Variants in CYFIP2 observed in about 807,000 individuals in gnomAD.
CYFIP2 encodes the protein cytoplasmic FMR1-interacting protein 2.
A neutral mutation model predicts 158.7 loss-of-function variants in CYFIP2; 29 were observed. The observed-to-expected ratio is 0.18, with a 90% confidence interval of 0.14 to 0.25. CYFIP2 has a LOEUF of 0.25. CYFIP2 is among the 10% of genes least tolerant of loss of function. CYFIP2 has a pLI of 1.00. For synonymous variants in CYFIP2, 585 were observed against 617.6 expected (o/e 0.95, Z 0.78); for missense variants, 852 against 1,639.5 (o/e 0.52, Z 8.29).
At chr5:157,380,531 A>G (rs558913257) in intron 26 of CYFIP2, among the ~76,000 whole-genome samples, 2 of 152,346 alleles carry the variant, frequency 1.3e-5, no homozygotes, top group East Asian at 1.9e-4. Flanking sequence ...TTTGTCTCCA[A>G]AAAATACAAA....
At chr5:157,355,096 C>T (rs914306917) in intron 23 of CYFIP2, among the ~76,000 whole-genome samples, 1 of 152,206 alleles carries the variant, frequency 6.6e-6, no homozygotes, top group Non-Finnish European at 1.5e-5. Context: ...AGGAACTCCA[C>T]CCAGTACAAT....
chr5:157,286,863 G>A (rs1757437200), intron 2 of CYFIP2, among the ~76,000 whole-genome samples, 156 bp from the exon 3 acceptor site: 1 of 152,172 alleles, frequency 6.6e-6, no homozygotes, highest in African/African-American at 2.4e-5. Flanking sequence ...TTGAGAGTGG[G>A]ACTTTGTGGG....
At chr5:157,339,314 C>T in intron 22 of CYFIP2, 58 bp downstream of exon 22, 1 of 1,483,084 alleles carries the variant, frequency 6.7e-7, no homozygotes, top group Non-Finnish European at 9.3e-7. Flanking sequence ...GGCCAGCTGC[C>T]TCCTCCAAAC....
At chr5:157,351,205 G>A (rs1285644144) in intron 23 of CYFIP2, among the ~76,000 whole-genome samples, 4 of 152,078 alleles carry the variant, frequency 2.6e-5, no homozygotes, top group Admixed American at 6.5e-5. Context: ...TGTAACAGAT[G>A]AACCCATGTC....
chr5:157,292,291 C>T (rs1224091711), intron 3 of CYFIP2, among the ~76,000 whole-genome samples: 1 of 151,740 alleles, frequency 6.6e-6, no homozygotes, highest in Non-Finnish European at 1.5e-5. Flanking sequence ...ACAATCTTGG[C>T]TCACCGCAAC....
chr5:157,384,869 G>A (rs577912215), intron 28 of CYFIP2: 3 of 240,394 alleles, frequency 1.2e-5, no homozygotes, highest in Admixed American at 9.5e-5. Flanking sequence ...GAACCCAAGA[G>A]GTGGAGGCTG....
intron 5 of CYFIP2, among the ~76,000 whole-genome samples, chr5:157,299,505 C>T (rs2113883406): frequency 6.6e-6 from 1 of 152,336 alleles, no homozygotes; most frequent in African/African-American, 2.4e-5. Flanking sequence ...AGGACAACCC[C>T]TCTGAGCGCT....
rs1477195409 is a variant in CYFIP2, at chr5:157,311,802, G to C, written c.1110+21G>C. On this transcript the variant is annotated intron_variant, in intron 11 of 30. Transcript: ENST00000620254. This position sits in a 1 kb window ranked among gnomAD's most constrained non-coding sequence, Gnocchi z 4.7. ...GTGAGGTGAGCATGCAGGCTGCTGG[G>C]GCACAGGCCCGTGGGCCCAGGGCCA... The C allele has an allele frequency of 1.3e-6, 2 of 1,575,236 alleles. No individual in the cohort carries two copies. Among genetic ancestry groups the C allele is most frequent in the Admixed American group, 1.9e-5 (1 of 53,658 alleles).
chr5:157,340,238 A>G (rs1762154597), intron 22 of CYFIP2, among the ~76,000 whole-genome samples: 1 of 152,272 alleles, frequency 6.6e-6, no homozygotes, highest in Admixed American at 6.5e-5. Flanking sequence ...TGCAAAAAAA[A>G]TGTATTCATC....
intron 20 of CYFIP2, among the ~76,000 whole-genome samples, chr5:157,331,539 G>C (rs983463115): frequency 1.2e-4 from 18 of 152,042 alleles, no homozygotes; most frequent in Non-Finnish European, 2.4e-4. Flanking sequence ...GATCATGCCA[G>C]AGGTGAAAAG....
intron 23 of CYFIP2, among the ~76,000 whole-genome samples, chr5:157,356,356 C>T (rs1318474149): frequency 1.3e-5 from 2 of 152,164 alleles, no homozygotes; most frequent in African/African-American, 4.8e-5. Flanking sequence ...CTCAAAGGCC[C>T]ACCTCCTAAT....
intron 22 of CYFIP2, 22 bp downstream of exon 22, chr5:157,339,278 G>C: frequency 6.2e-7 from 1 of 1,604,964 alleles, no homozygotes; most frequent in Non-Finnish European, 8.5e-7. Context: ...CCTGTGCAGA[G>C]GGGGCCGGGT....
Position 157,357,341 on chromosome 5 carries a change from T to C in CYFIP2, c.2674-1664T>C, listed in dbSNP as rs543850772. On this transcript the variant is annotated intron_variant, in intron 23 of 30. Coordinates refer to ENST00000620254, the MANE Select transcript of CYFIP2 (RefSeq NM_001037333.3). ...TGAACTCAATTAAATATTTTCTTGA[T>C]GGCTCCAAAGGGAGTTGAAAATCTT... Among the ~76,000 whole-genome samples, 36 of 152,386 alleles carry C rather than the reference T, an allele frequency of 2.4e-4. No homozygotes were observed. In the South Asian group the frequency reaches 7.5e-3, roughly 32 times the overall value.
intron 25 of CYFIP2, 134 bp downstream of exon 25, chr5:157,360,506 T>C: frequency 1.5e-6 from 1 of 656,524 alleles, no homozygotes. Context: ...ACCCCGCCAC[T>C]AGCTAGATAG....
At chr5:157,382,729 C>A in intron 27 of CYFIP2, 67 bp downstream of exon 27, 1 of 1,469,496 alleles carries the variant, frequency 6.8e-7, no homozygotes, top group Non-Finnish European at 9.5e-7. Flanking sequence ...TTCCTAATTG[C>A]AGTCAACTCA....
At chr5:157,368,322 T>G (rs1256442975) in intron 26 of CYFIP2, among the ~76,000 whole-genome samples, 1 of 152,110 alleles carries the variant, frequency 6.6e-6, no homozygotes. Context: ...TGTACACAAT[T>G]CAAATGCATG....
intron 26 of CYFIP2, chr5:157,365,159 T>C (rs150814259): frequency 2.0e-5 from 3 of 152,358 alleles, no homozygotes; most frequent in Non-Finnish European, 4.4e-5. Context: ...AGGGACTTTT[T>C]AGCCTTATCT....
At chr5:157,385,752 A>G (rs1395034087) in intron 28 of CYFIP2, among the ~76,000 whole-genome samples, 2 of 151,972 alleles carry the variant, frequency 1.3e-5, no homozygotes, top group African/African-American at 2.4e-5. Context: ...TAAGAATTCA[A>G]AAAACATTGA....
At chr5:157,392,419 G>T (rs771710010) in intron 30 of CYFIP2, among the ~76,000 whole-genome samples, 2 of 152,162 alleles carry the variant, frequency 1.3e-5, no homozygotes, top group Admixed American at 1.3e-4. Context: ...TAAGGTAAGC[G>T]TCCATTGTTA....
Sources: allele counts gnomAD v4.1 joint callset (sites outside exome capture counted in the v4.1 genomes callset), GRCh38; gene constraint gnomAD v4.1.1; non-coding constraint Gnocchi (gnomAD v3.1); transcripts MANE v1.5; gene names NCBI Gene and HGNC (gene_info 2026-07-23, HGNC 2026-07-21).